Variants in ARMC9 observed in about 807,000 individuals in gnomAD.
ARMC9 encodes the protein lisH domain-containing protein ARMC9.
In ARMC9, 94 loss-of-function variants were observed where a neutral mutation model predicts 107.0. That is an observed-to-expected ratio of 0.88 (90% CI 0.74 to 1.04). ARMC9 has a LOEUF of 1.04. Among genes scored for constraint, ARMC9 ranks in the 50% least tolerant of loss-of-function variants. The pLI, the probability that ARMC9 is intolerant of heterozygous loss-of-function variation, is 0.00. For synonymous variants in ARMC9, 380 were observed against 396.9 expected (o/e 0.96, Z 0.51); for missense variants, 942 against 1,030.1 (o/e 0.91, Z 1.17).
chr2:231,318,091 G>A (rs527740999), intron 19 of ARMC9, among the ~76,000 whole-genome samples: 102 of 151,702 alleles, frequency 6.7e-4, no homozygotes, highest in Admixed American at 2.0e-3. Context: ...ACAACCAGAC[G>A]TTATAGATAA....
At position 231,370,125 on chromosome 2, in the gene ARMC9, A is replaced by C. The variant is rs2045960845; in HGVS notation, c.2434A>C (p.Ser812Arg). 2 of 1,523,610 alleles carry C rather than the reference A, an allele frequency of 1.3e-6. No individual in the cohort carries two copies. Among genetic ancestry groups the C allele is most frequent in the Admixed American group, 4.0e-5 (2 of 49,784 alleles). The allele number at this position is 1,523,610 out of a possible 1,614,324, so 94.4% of individuals were successfully genotyped here. The change falls in exon 24 of 25, where the codon AGC (serine) becomes CGC (arginine). Residue 812 changes from serine to arginine, a missense_variant and splice_region_variant. Physicochemically the swap from Ser to Arg is moderately radical, Grantham distance 110 (BLOSUM62 -1). Coordinates refer to ENST00000611582, the MANE Select transcript of ARMC9 (RefSeq NM_001352754.2). ...STASSTRGLP[S>R]SQSHRK ...AGCGTCCTCCACAAGGGGCCTGCCG[A>C]GTAAGTCAGCCTGGGCCCCACTGGC...
intron 12 of ARMC9, among the ~76,000 whole-genome samples, chr2:231,268,233 A>G (rs543171748): frequency 6.6e-6 from 1 of 152,184 alleles, no homozygotes; most frequent in Non-Finnish European, 1.5e-5. Context: ...ATCTGGGACT[A>G]TGGTCATGTT....
chr2:231,270,170 A>T (rs1489613601), intron 12 of ARMC9, among the ~76,000 whole-genome samples: 1 of 152,174 alleles, frequency 6.6e-6, no homozygotes, highest in Non-Finnish European at 1.5e-5. Context: ...CCTGGGAGCC[A>T]AGTTTTGGGG....
At position 231,308,556 on chromosome 2, in the gene ARMC9, G is replaced by A. The variant is rs558530427; in HGVS notation, c.1773+12303G>A. Among the ~76,000 whole-genome samples, 23 of 152,276 alleles carry A rather than the reference G, an allele frequency of 1.5e-4. No homozygotes were observed. In the East Asian group the frequency reaches 3.3e-3, roughly 22 times the overall value. ...GACCCTAGGTAGCTGGGAGGATAGC[G>A]ATGCCATTAACAATACGGGGAACAC... On this transcript the variant is annotated intron_variant, in intron 19 of 24. Transcript: ENST00000611582.
At chr2:231,275,649 GT>G (rs1218775792) in intron 14 of ARMC9, among the ~76,000 whole-genome samples, 3 of 152,112 alleles carry the variant, frequency 2.0e-5, no homozygotes, top group Non-Finnish European at 2.9e-5. Flanking sequence ...ATTATAGAGC[GT>G]TTAGGTAAAA....
intron 22 of ARMC9, among the ~76,000 whole-genome samples, chr2:231,359,530 C>T (rs944347864): frequency 1.7e-4 from 26 of 152,238 alleles, no homozygotes; most frequent in Admixed American, 1.4e-3. Flanking sequence ...TTTATGACCA[C>T]CCCGTCCCCT....
intron 17 of ARMC9, chr2:231,288,812 A>G (rs1322216642): frequency 4.7e-6 from 2 of 424,524 alleles, no homozygotes; most frequent in East Asian, 1.4e-4. Flanking sequence ...CTGCAGTATC[A>G]CTCCAGACTT....
At chr2:231,308,106 GAGCAGAGCCATGCCTT>G (rs371954742) in intron 19 of ARMC9, among the ~76,000 whole-genome samples, 5 of 152,310 alleles carry the variant, frequency 3.3e-5, no homozygotes, top group African/African-American at 1.2e-4. Flanking sequence ...CAAGAGACGT[GAGCAGAGCCATGCCTT>G]CAGAGGACTA....
At chr2:231,371,194 G>A in intron 24 of ARMC9, 1 of 584,976 alleles carries the variant, frequency 1.7e-6, no homozygotes. Flanking sequence ...GCTGGTGGCT[G>A]GCCTGGCCCC....
chr2:231,335,938 G>A (rs1256762448), intron 20 of ARMC9, among the ~76,000 whole-genome samples: 1 of 152,066 alleles, frequency 6.6e-6, no homozygotes, highest in Non-Finnish European at 1.5e-5. Flanking sequence ...AATTAGCCAG[G>A]TATGGTGGCA....
chr2:231,322,972 C>T (rs1466140980), intron 19 of ARMC9, among the ~76,000 whole-genome samples: 2 of 152,138 alleles, frequency 1.3e-5, no homozygotes, highest in African/African-American at 4.8e-5. Context: ...TGGCTGGTGC[C>T]CTTGTCGCCC....
intron 12 of ARMC9, among the ~76,000 whole-genome samples, chr2:231,263,877 CAAATT>C (rs1293620442): frequency 6.6e-5 from 10 of 152,158 alleles, no homozygotes; most frequent in African/African-American, 1.2e-4. Context: ...CTTCCAAACT[CAAATT>C]AAAGAGTAAA....
At chr2:231,269,642 G>C (rs867931516) in intron 12 of ARMC9, among the ~76,000 whole-genome samples, 26 of 152,010 alleles carry the variant, frequency 1.7e-4, no homozygotes, top group Middle Eastern at 3.4e-3. Flanking sequence ...GCCTCCCAAA[G>C]TCCTGGGATT....
At chr2:231,289,726 C>A (rs1374401743) in intron 17 of ARMC9, among the ~76,000 whole-genome samples, 1 of 152,218 alleles carries the variant, frequency 6.6e-6, no homozygotes, top group Non-Finnish European at 1.5e-5. Context: ...GCTGGTCCCT[C>A]AACTCATGGA....
At chr2:231,331,945 G>A (rs765849490) in intron 20 of ARMC9, 48 bp downstream of exon 20, 64 of 1,448,784 alleles carry the variant, frequency 4.4e-5, no homozygotes, top group Admixed American at 2.5e-4. Flanking sequence ...AAGGCCAGAT[G>A]GACATTGATG....
In ARMC9 at chr2:231,215,004, G is replaced by A. The variant is rs2033340580; in HGVS notation, c.348+3G>A. 3 of 1,613,738 alleles carry A rather than the reference G, an allele frequency of 1.9e-6. No individual in the cohort carries two copies. The highest frequency in any genetic ancestry group is 2.5e-6 in the Non-Finnish European group (3 of 1,179,862). On this transcript the variant is annotated splice_donor_region_variant and intron_variant, in intron 4 of 24. Coordinates refer to ENST00000611582, the MANE Select transcript of ARMC9 (RefSeq NM_001352754.2). ...TGAAGTACTCTGTGGGGAGACCGGT[G>A]GGTTTACCTGGTGATGCGGGTGGGT...
At chr2:231,356,022 G>T (rs550999826) in intron 22 of ARMC9, 88 bp downstream of exon 22, 10 of 1,441,468 alleles carry the variant, frequency 6.9e-6, no homozygotes, top group Non-Finnish European at 9.2e-6. Context: ...GCAGACGCAC[G>T]TCTGCTCCTG....
intron 18 of ARMC9, chr2:231,294,332 AACCAGCACCAGAGAGACAACAGGGGC>A (rs938788124): frequency 6.6e-6 from 1 of 152,360 alleles, no homozygotes; most frequent in African/African-American, 2.4e-5. Context: ...CAGGGAGGGG[AACCAGCACCAGAGAGACAACAGGGGC>A]ACCAGCCAGG....
intron 17 of ARMC9, among the ~76,000 whole-genome samples, chr2:231,290,900 A>G (rs904564598): frequency 6.6e-6 from 1 of 151,764 alleles, no homozygotes; most frequent in Non-Finnish European, 1.5e-5. Context: ...CTCCCAGACC[A>G]ACATATTGCC....
Sources: allele counts gnomAD v4.1 joint callset (sites outside exome capture counted in the v4.1 genomes callset), GRCh38; gene constraint gnomAD v4.1.1; transcripts MANE v1.5; gene names NCBI Gene and HGNC (gene_info 2026-07-23, HGNC 2026-07-21).